Variants in VWA8 observed in about 807,000 individuals in gnomAD.
The protein encoded by VWA8 is von Willebrand factor A domain-containing protein 8.
Under a neutral mutation model 241.5 loss-of-function variants are expected in VWA8, and 221 were observed. The observed-to-expected ratio is 0.91, with a 90% CI of 0.82 to 1.02. VWA8 has a LOEUF of 1.02. VWA8 is among the 50% of genes least tolerant of loss of function. The probability of loss-of-function intolerance (pLI) is 0.00; values close to 1 mark genes in which losing one functional copy is unlikely to be tolerated. For missense variants in VWA8, 2,322 were observed against 2,328.7 expected (o/e 1.00, Z 0.06); for synonymous variants, 852 against 827.1 (o/e 1.03, Z -0.52).
intron 4 of VWA8, among the ~76,000 whole-genome samples, chr13:41,900,478 C>A (rs1230967575): frequency 1.3e-5 from 2 of 152,166 alleles, no homozygotes; most frequent in East Asian, 3.8e-4. Flanking sequence ...GCTTTAACCA[C>A]TCAACACATG....
intron 34 of VWA8, among the ~76,000 whole-genome samples, chr13:41,686,041 T>C (rs2045134099): frequency 6.6e-6 from 1 of 152,152 alleles, no homozygotes; most frequent in South Asian, 2.1e-4. Flanking sequence ...GCATTCATCC[T>C]TTTCTCACAT....
chr13:41,758,694 T>G (rs954936693), intron 21 of VWA8, among the ~76,000 whole-genome samples: 2 of 150,964 alleles, frequency 1.3e-5, no homozygotes, highest in African/African-American at 4.8e-5. Flanking sequence ...TGCTTTATTG[T>G]GCTAGCTGGC....
intron 17 of VWA8, among the ~76,000 whole-genome samples, chr13:41,797,419 T>C (rs1170345776): frequency 2.0e-5 from 3 of 152,182 alleles, no homozygotes; most frequent in Non-Finnish European, 4.4e-5. Flanking sequence ...AAAGAATGCA[T>C]ATTCATTGTC....
At chr13:41,937,502 G>A (rs1008137870) in intron 2 of VWA8, among the ~76,000 whole-genome samples, 2 of 152,146 alleles carry the variant, frequency 1.3e-5, no homozygotes, top group Non-Finnish European at 2.9e-5. Flanking sequence ...TGTCACCACT[G>A]ATCTGACAGG....
intron 17 of VWA8, among the ~76,000 whole-genome samples, chr13:41,788,295 CA>C (rs574482380): frequency 2.7e-3 from 408 of 152,262 alleles, no homozygotes; most frequent in Middle Eastern, 6.8e-3. Context: ...ATACTAAGAA[CA>C]TACCACTTTT....
chr13:41,858,878 A>T (rs73185318), intron 12 of VWA8, among the ~76,000 whole-genome samples: 1,888 of 152,256 alleles, frequency 0.012, 13 homozygotes, highest in East Asian at 0.021. Flanking sequence ...GTAGTAAAAT[A>T]AAAAAGCAAG....
At chr13:41,763,290 A>AAAATAAATAAATAAATAAAT (rs59623577) in intron 20 of VWA8, among the ~76,000 whole-genome samples, 17 of 139,708 alleles carry the variant, frequency 1.2e-4, no homozygotes, top group South Asian at 5.0e-4. Context: ...TCCACCTGTA[A>AAAATAAATAAATAAATAAAT]AAATAAATAA....
At chr13:41,590,892 C>T (rs1369411527) in intron 40 of VWA8, 127 bp from the exon 41 acceptor site, 4 of 1,199,840 alleles carry the variant, frequency 3.3e-6, no homozygotes, top group Non-Finnish European at 4.7e-6. Context: ...TGCATGAACA[C>T]AGTCATATAA....
chr13:41,701,486 A>G lies in VWA8; in HGVS notation c.3270T>C (p.His1090=). 1 of 1,611,972 alleles carries G rather than the reference A, an allele frequency of 6.2e-7. No homozygotes were observed. The highest frequency in any genetic ancestry group is 1.1e-5 in the South Asian group (1 of 90,714). The part of the protein sequence containing the change: ...INIQEYPIER[H]EERSLNFTEE... ...CAGTAAAGTTTAGGGATCTTTCTTC[A>G]TGTCTTTCTATTGGATACTCCTGTA... is the stretch of plus-strand genomic sequence containing the variant. Residue 1090 remains histidine, a synonymous_variant, in exon 28 of 45, where the codon CAT becomes CAC. Transcript: ENST00000379310.
chr13:41,933,179 T>G (rs1005127297), intron 2 of VWA8, among the ~76,000 whole-genome samples: 4 of 151,978 alleles, frequency 2.6e-5, no homozygotes, highest in Non-Finnish European at 5.9e-5. Context: ...TCAACTGTAC[T>G]TCTATGTTTA....
At chr13:41,726,871 T>C (rs887394807) in intron 24 of VWA8, among the ~76,000 whole-genome samples, 3 of 152,072 alleles carry the variant, frequency 2.0e-5, no homozygotes, top group Non-Finnish European at 4.4e-5. Context: ...GGTACATGCC[T>C]GTAATCCCTA....
At position 41,898,521 on chromosome 13, in the gene VWA8, G is replaced by A. The variant is rs1875251892; in HGVS notation, c.484-6934C>T. On this transcript the variant is annotated intron_variant, in intron 4 of 44. Transcript: ENST00000379310. ...TCAGGAGCCCAGCTGGCTTCACCCA[G>A]TGGATCCCGCACCAGGGCTGCAGGT... 2.6e-5 allele frequency among the ~76,000 whole-genome samples: 4 copies of A among 152,260 alleles called. No individual in the cohort carries two copies. The South Asian group carries it at 8.3e-4, about 31-fold the overall frequency.
In VWA8 at chr13:41,676,968, T is replaced by G. The variant is rs575240630; in HGVS notation, c.4328-1672A>C. On this transcript the variant is annotated intron_variant, in intron 35 of 44. Coordinates refer to ENST00000379310, the MANE Select transcript of VWA8 (RefSeq NM_015058.2). The stretch of plus-strand genomic sequence containing the variant: ...TTTTTATGTTTCTCAAAAAAAAATC[T>G]TCTTTCAAAAATGTACATAAATATC... 8.8e-4 allele frequency among the ~76,000 whole-genome samples: 134 copies of G among 152,332 alleles called. 1 individual carries two copies. The highest frequency in any genetic ancestry group is 3.2e-3 in the African/African-American group (131 of 41,582).
At chr13:41,657,626 A>G (rs2044917070) in intron 37 of VWA8, among the ~76,000 whole-genome samples, 1 of 151,858 alleles carries the variant, frequency 6.6e-6, no homozygotes, top group Non-Finnish European at 1.5e-5. Context: ...AGTAGCTGGG[A>G]CTACAGGCGC....
At chr13:41,904,576 GT>G (rs1010785481) in intron 4 of VWA8, among the ~76,000 whole-genome samples, 1 of 152,056 alleles carries the variant, frequency 6.6e-6, no homozygotes, top group Non-Finnish European at 1.5e-5. Flanking sequence ...GCACCTTTAT[GT>G]GTAACTATCA....
chr13:41,583,997 G>A (rs1187788032), intron 42 of VWA8, among the ~76,000 whole-genome samples: 1 of 152,168 alleles, frequency 6.6e-6, no homozygotes, highest in Non-Finnish European at 1.5e-5. Flanking sequence ...GAAGTATTTA[G>A]AGGTAAAGCA....
intron 37 of VWA8, among the ~76,000 whole-genome samples, chr13:41,636,824 T>A (rs1211551477): frequency 6.6e-6 from 1 of 152,194 alleles, no homozygotes; most frequent in Non-Finnish European, 1.5e-5. Context: ...ATGTTCATCA[T>A]CACTGGCCAT....
chr13:41,818,609 A>G (rs1870806785), intron 15 of VWA8, among the ~76,000 whole-genome samples: 1 of 152,120 alleles, frequency 6.6e-6, no homozygotes, highest in Non-Finnish European at 1.5e-5. Context: ...GGCTAGTGCT[A>G]CTGCATTGAA....
At chr13:41,615,972 T>A (rs1458745150) in intron 37 of VWA8, among the ~76,000 whole-genome samples, 1 of 152,192 alleles carries the variant, frequency 6.6e-6, no homozygotes, top group Admixed American at 6.5e-5. Context: ...TTTGTTCAAA[T>A]AAGACTTAAA....
Sources: allele counts gnomAD v4.1 joint callset (sites outside exome capture counted in the v4.1 genomes callset), GRCh38; gene constraint gnomAD v4.1.1; transcripts MANE v1.5; gene names NCBI Gene and HGNC (gene_info 2026-07-23, HGNC 2026-07-21).